The following PHKA2 variants were observed in gnomAD, a reference collection of about 807,000 sequenced individuals.
PHKA2 encodes the protein phosphorylase b kinase regulatory subunit alpha, liver isoform.
PHKA2 carries 31 observed loss-of-function variants against 102.0 expected under a neutral mutation model. The ratio of observed to expected loss-of-function variants is 0.30; its 90% CI spans 0.23 to 0.41. The LOEUF (loss-of-function observed/expected upper bound fraction) is 0.41. Ranked by LOEUF, PHKA2 falls within the 10% of genes least tolerant of loss-of-function variation. PHKA2 has a pLI of 1.00. For missense variants in PHKA2, 858 were observed against 1,023.1 expected (o/e 0.84, Z 2.20); for synonymous variants, 455 against 416.2 (o/e 1.09, Z -1.13).
At chrX:18,917,622 T>C (rs966466674) in intron 19 of PHKA2, among the ~76,000 whole-genome samples, 4 of 111,617 alleles carry the variant, frequency 3.6e-5, no homozygotes, top group Non-Finnish European at 7.5e-5. Context: ...GTCTGGAACA[T>C]TTGTAGACAT....
In PHKA2 at chrX:18,979,684, A is replaced by G. The variant is rs1328731501; in HGVS notation, c.78+4171T>C. On this transcript the variant is annotated intron_variant, in intron 1 of 32. Transcript: ENST00000379942. Reference sequence around the variant, plus strand: ...ATTCTTTGCATTAAAGATTCAAATAATATTTAGCAGCAAGTATATTTGGCA... The same window carrying G: ...ATTCTTTGCATTAAAGATTCAAATAGTATTTAGCAGCAAGTATATTTGGCA... Among the ~76,000 whole-genome samples, 9 of 112,145 alleles carry G rather than the reference A, an allele frequency of 8.0e-5. No homozygotes were observed. In the East Asian group the frequency reaches 2.2e-3, roughly 27 times the overall value.
chrX:18,918,986 G>A, intron 18 of PHKA2, 132 bp from the exon 19 acceptor site: 1 of 550,806 alleles, frequency 1.8e-6, no homozygotes, highest in Non-Finnish European at 3.2e-6. Flanking sequence ...ATCGATATTT[G>A]CACTCCCACT....
In PHKA2 at chrX:18,943,791, A is replaced by G; in HGVS notation, c.636T>C (p.Ile212=). The change falls in exon 7 of 33, where the codon ATT becomes ATC. Residue 212 remains isoleucine, a synonymous_variant. Transcript: ENST00000379942. ...GGGCTCCAAAAAGGTCCAGTTCATC[A>G]ATTGCCTCAAGAGCTGCCTACAAAC... ...VGMAKAALEA[I]DELDLFGAHG... 1 of 1,205,955 alleles carries G rather than the reference A, an allele frequency of 8.3e-7. No individual in the cohort carries two copies. The highest frequency in any genetic ancestry group is 1.1e-6 in the Non-Finnish European group (1 of 890,253).
intron 30 of PHKA2, among the ~76,000 whole-genome samples, chrX:18,896,827 G>A (rs1207271779): frequency 8.9e-6 from 1 of 112,069 alleles, no homozygotes; most frequent in East Asian, 2.8e-4. Context: ...AACCTAGACT[G>A]CCACCTTGTC....
chrX:18,963,869 T>C (rs1037791907), intron 1 of PHKA2, among the ~76,000 whole-genome samples: 3 of 111,508 alleles, frequency 2.7e-5, no homozygotes, highest in African/African-American at 9.8e-5. Flanking sequence ...ATTCCCTTTT[T>C]CCCCTACCTG....
chrX:18,952,063 T>A (rs1033751769), intron 3 of PHKA2, among the ~76,000 whole-genome samples: 2 of 107,640 alleles, frequency 1.9e-5, no homozygotes, highest in Admixed American at 2.0e-4. Flanking sequence ...AAAGAGAAGG[T>A]AGCTGGGCAT....
chrX:18,931,228 C>A (rs1181776825), intron 12 of PHKA2, among the ~76,000 whole-genome samples: 1 of 112,190 alleles, frequency 8.9e-6, no homozygotes, highest in East Asian at 2.8e-4. Context: ...CTGTAGAGAT[C>A]TGTGGCCCTT....
At chrX:18,929,509 T>C (rs1416123918) in intron 12 of PHKA2, among the ~76,000 whole-genome samples, 1 of 112,499 alleles carries the variant, frequency 8.9e-6, no homozygotes, top group Non-Finnish European at 1.9e-5. Context: ...TTTTTGCACC[T>C]AGCTCTCTAG....
chrX:18,982,417 G>C (rs2148054292), intron 1 of PHKA2, among the ~76,000 whole-genome samples: 1 of 112,425 alleles, frequency 8.9e-6, no homozygotes, highest in East Asian at 2.8e-4. Context: ...TTTGATGAAG[G>C]GGTGCTGCCC....
intron 28 of PHKA2, among the ~76,000 whole-genome samples, chrX:18,899,706 A>G (rs746341548): frequency 3.7e-5 from 4 of 107,538 alleles, no homozygotes; most frequent in Admixed American, 9.6e-5. Flanking sequence ...CTTTGGCCAC[A>G]TAAGTATTTC....
chrX:18,975,474 T>G (rs1172046398), intron 1 of PHKA2, among the ~76,000 whole-genome samples: 1 of 111,713 alleles, frequency 9.0e-6, no homozygotes, highest in Non-Finnish European at 1.9e-5. Context: ...CTGCCCAGTC[T>G]CTGGCATGTC....
At chrX:18,905,933 G>T in intron 25 of PHKA2, 74 bp from the exon 26 acceptor site, 2 of 717,100 alleles carry the variant, frequency 2.8e-6, no homozygotes, top group Non-Finnish European at 4.4e-6. Context: ...GGTGGACGTG[G>T]GTGGGGAGGG....
chrX:18,892,453 TCTC>T lies in PHKA2; in HGVS notation c.*1029_*1031del, dbSNP rs1304918480. 2 of 112,691 alleles carry T rather than the reference TCTC, an allele frequency of 1.8e-5. No individual in the cohort carries two copies. Among genetic ancestry groups the T allele is most frequent in the African/African-American group, 6.4e-5 (2 of 31,012 alleles). 9.3% of individuals were successfully genotyped at this position (112,691 alleles called of 1,213,427 possible). On this transcript the variant is annotated 3_prime_UTR_variant, in exon 33 of 33. Transcript: ENST00000379942. The stretch of plus-strand genomic sequence containing the variant: ...ACCCTGACACCTGACTCAACCTTGC[TCTC>T]CTCCAATCGGTGCCTCCAACTGCAC...
chrX:18,950,894 G>A (rs181779745), intron 4 of PHKA2, among the ~76,000 whole-genome samples: 4 of 112,533 alleles, frequency 3.6e-5, no homozygotes, highest in Middle Eastern at 4.6e-3. Flanking sequence ...CTGGACAACT[G>A]AGCCTGGTAG....
chrX:18,900,812 G>A (rs2047666647), intron 27 of PHKA2, 113 bp from the exon 28 acceptor site: 2 of 621,910 alleles, frequency 3.2e-6, no homozygotes, highest in Admixed American at 2.4e-5. Flanking sequence ...CGCAGGGGGT[G>A]ACCCATGAGT....
chrX:18,911,773 C>T (rs1243724135), intron 19 of PHKA2, among the ~76,000 whole-genome samples: 1 of 112,661 alleles, frequency 8.9e-6, no homozygotes, highest in East Asian at 2.8e-4. Flanking sequence ...GCTTTGAGAA[C>T]TGGATTTCGC....
Position 18,907,776 on chromosome X carries a change from C to T in PHKA2, c.2517+124G>A. 7.9e-6 allele frequency: 6 copies of T among 756,033 alleles called. No individual in the cohort carries two copies. The South Asian group carries it at 1.3e-4, about 16-fold the overall frequency. The allele number at this position is 756,033 out of a possible 1,213,427, so 62.3% of individuals were successfully genotyped here. A position where few individuals can be genotyped will look rare whatever the true frequency, so the allele number is the denominator to read the frequency against. ...GCAGGCAGGAGAGAAGGGCCCGCTC[C>T]ACCTGTGGGTTAAAGAATGGGGCTC... is the stretch of plus-strand genomic sequence containing the variant. On this transcript the variant is annotated intron_variant, in intron 22 of 32. Transcript: ENST00000379942.
chrX:18,964,895 G>C (rs1030794581), intron 1 of PHKA2, among the ~76,000 whole-genome samples: 1 of 112,240 alleles, frequency 8.9e-6, no homozygotes, highest in Non-Finnish European at 1.9e-5. Flanking sequence ...AGGGATCACA[G>C]GTGTGCAATT....
chrX:18,967,302 G>A (rs971489750), intron 1 of PHKA2, among the ~76,000 whole-genome samples: 2 of 111,450 alleles, frequency 1.8e-5, no homozygotes, highest in African/African-American at 3.3e-5. Context: ...GGCTGCAGCC[G>A]ACTCACAGAG....
Sources: gnomAD v4.1 joint callset for allele counts (sites outside exome capture counted in the v4.1 genomes callset) on GRCh38, gnomAD v4.1.1 for gene constraint, MANE v1.5 for transcripts, NCBI Gene and HGNC (gene_info 2026-07-23, HGNC 2026-07-21) for gene names.